ATP11A: variants seen among roughly 807,000 people sequenced by gnomAD.
The protein encoded by ATP11A is phospholipid-transporting ATPase IH.
ATP11A carries 81 observed loss-of-function variants against 154.4 expected under a neutral mutation model. The ratio of observed to expected loss-of-function variants is 0.52; its 90% CI spans 0.44 to 0.63. The LOEUF is 0.63. ATP11A is among the 30% of genes least tolerant of loss of function. The probability of loss-of-function intolerance (pLI) is 0.00; values close to 1 mark genes in which losing one functional copy is unlikely to be tolerated. For synonymous variants in ATP11A, 623 were observed against 585.9 expected (o/e 1.06, Z -0.91); for missense variants, 1,316 against 1,474.3 (o/e 0.89, Z 1.76).
chr13:112,884,263 C>T lies in ATP11A; in HGVS notation c.*2397C>T, dbSNP rs994409861. The T allele has an allele frequency of 6.6e-6, 1 of 152,642 alleles. No homozygotes were observed. The highest frequency in any genetic ancestry group is 1.5e-5 in the Non-Finnish European group (1 of 68,042). The allele number at this position is 152,642 out of a possible 1,614,324, so 9.5% of individuals were successfully genotyped here. A position where few individuals can be genotyped will look rare whatever the true frequency, so the allele number is the denominator to read the frequency against. ...TTTTCTTTACAATTTGTTGCAATTT[C>T]ATCTGCTTTCTATGTTTCATTGTTA... On this transcript the variant is annotated 3_prime_UTR_variant, in exon 30 of 30. Coordinates refer to ENST00000375645, the MANE Select transcript of ATP11A (RefSeq NM_015205.3).
chr13:112,880,802 G>C (rs2080862994), intron 29 of ATP11A: 1 of 985,326 alleles, frequency 1.0e-6, no homozygotes, highest in South Asian at 4.7e-5. Context: ...TGCTGTCCCA[G>C]GTAAGTAACA....
rs572768456 is a variant in ATP11A, at chr13:112,773,099, C to T, written c.40-12036C>T. Among the ~76,000 whole-genome samples, 4 of 152,120 alleles carry T rather than the reference C, an allele frequency of 2.6e-5. No individual in the cohort carries two copies. The East Asian group carries it at 7.8e-4, about 29-fold the overall frequency. ...CTCCCAGAGCCCCGAGGGCTGTGGC[C>T]TGTGAGGTGCTCCCTTGTGCCATGG... On this transcript the variant is annotated intron_variant, in intron 1 of 29. Coordinates refer to ENST00000375645, the MANE Select transcript of ATP11A (RefSeq NM_015205.3).
At position 112,826,875 on chromosome 13, in the gene ATP11A, A is replaced by G. The variant is rs757224152; in HGVS notation, c.1205A>G (p.Asn402Ser). 4 of 1,614,166 alleles carry G rather than the reference A, an allele frequency of 2.5e-6. No individual in the cohort carries two copies. The highest frequency in any genetic ancestry group is 3.4e-6 in the Non-Finnish European group (4 of 1,180,030). The change falls in exon 12 of 30, where the codon AAT becomes AGT. Residue 402 changes from asparagine (N) to serine (S), a missense_variant. This residue lies in a region of ATP11A where 876 missense variants were observed against 1,006.8 expected (regional missense o/e 0.87). Transcript: ENST00000375645. The stretch of plus-strand genomic sequence containing the variant: ...CCTCTGGTGAACACGTCGGACCTCA[A>G]TGAAGAGCTGGGACAGGTTGGTGTC... ...EGPLVNTSDL[N>S]EELGQVEYIF...
intron 1 of ATP11A, among the ~76,000 whole-genome samples, chr13:112,729,173 C>T (rs1456641529): frequency 6.6e-6 from 1 of 152,188 alleles, no homozygotes. Flanking sequence ...CGTATCATCC[C>T]GGGTGCTCCT....
intron 1 of ATP11A, among the ~76,000 whole-genome samples, chr13:112,776,070 T>A (rs1324304820): frequency 6.6e-6 from 1 of 152,214 alleles, no homozygotes; most frequent in Non-Finnish European, 1.5e-5. Flanking sequence ...TGGAGGCGGC[T>A]GACCTGCAGG....
chr13:112,705,259 A>G (rs1051619117), intron 1 of ATP11A, among the ~76,000 whole-genome samples: 2 of 137,134 alleles, frequency 1.5e-5, no homozygotes, highest in Non-Finnish European at 2.9e-5. Flanking sequence ...AACTCCTTTT[A>G]CCATTTCTCG....
intron 1 of ATP11A, among the ~76,000 whole-genome samples, chr13:112,736,670 T>G (rs1163547381): frequency 6.6e-6 from 1 of 152,250 alleles, no homozygotes; most frequent in East Asian, 1.9e-4. Flanking sequence ...TTTTCTATAT[T>G]GAGTACATTT....
At chr13:112,701,265 T>G (rs1886492384) in intron 1 of ATP11A, among the ~76,000 whole-genome samples, 1 of 152,214 alleles carries the variant, frequency 6.6e-6, no homozygotes, top group Non-Finnish European at 1.5e-5. Flanking sequence ...GTGTTAAGTA[T>G]TGTTGCTGCG....
At position 112,877,374 on chromosome 13, in the gene ATP11A, C is replaced by T. The variant is rs578248719; in HGVS notation, c.3328-843C>T. Among the ~76,000 whole-genome samples the T allele has an allele frequency of 7.2e-5, 11 of 152,356 alleles. No individual in the cohort carries two copies. In the East Asian group the frequency reaches 2.1e-3, roughly 29 times the overall value. On this transcript the variant is annotated intron_variant, in intron 28 of 29. Transcript: ENST00000375645. ...TTTCTCTAAGCACGGTCCTTGGTTA[C>T]TGAGCTCTTTAGCTGTGCAGTTCCA...
intron 1 of ATP11A, among the ~76,000 whole-genome samples, chr13:112,694,588 C>T (rs1037514966): frequency 1.3e-5 from 2 of 152,158 alleles, no homozygotes; most frequent in African/African-American, 2.4e-5. Context: ...CCTTCCATGC[C>T]TCTATGTAGG....
chr13:112,865,026 C>T (rs1222938729), intron 25 of ATP11A, among the ~76,000 whole-genome samples: 4 of 150,242 alleles, frequency 2.7e-5, no homozygotes, highest in Admixed American at 6.6e-5. Flanking sequence ...ACCATCACCA[C>T]GTGCGCAATA....
chr13:112,835,827 C>A (rs925578291), intron 15 of ATP11A, among the ~76,000 whole-genome samples: 1 of 152,244 alleles, frequency 6.6e-6, no homozygotes, highest in Non-Finnish European at 1.5e-5. Context: ...CAATCTCTGA[C>A]ACAACTTTGA....
chr13:112,838,664 C>T lies in ATP11A; in HGVS notation c.1705+2413C>T, dbSNP rs933195013. On this transcript the variant is annotated intron_variant, in intron 16 of 29. Coordinates refer to ENST00000375645, the MANE Select transcript of ATP11A (RefSeq NM_015205.3). This position sits in a 1 kb window ranked among gnomAD's most constrained non-coding sequence, Gnocchi z 7.3. ...AAGGCTGAAGAGCCGCTGGATCACT[C>T]GAAGAATCCGGGTTGGAGGCATTTG... is the stretch of plus-strand genomic sequence containing the variant. 1.3e-5 allele frequency among the ~76,000 whole-genome samples: 2 copies of T among 152,178 alleles called. No homozygotes were observed. The highest frequency in any genetic ancestry group is 2.4e-5 in the African/African-American group (1 of 41,440).
chr13:112,748,645 C>T (rs1365273304), intron 1 of ATP11A, among the ~76,000 whole-genome samples: 1 of 152,184 alleles, frequency 6.6e-6, no homozygotes, highest in Non-Finnish European at 1.5e-5. Flanking sequence ...GGATTACAAG[C>T]GTGAGCCACC....
chr13:112,822,396 A>C (rs2078820654), intron 8 of ATP11A, among the ~76,000 whole-genome samples: 1 of 152,098 alleles, frequency 6.6e-6, no homozygotes, highest in Non-Finnish European at 1.5e-5. Flanking sequence ...TGAGATTTTT[A>C]AGTTCTTTGG....
chr13:112,790,724 T>G (rs2077829032), intron 2 of ATP11A, among the ~76,000 whole-genome samples: 1 of 152,142 alleles, frequency 6.6e-6, no homozygotes, highest in African/African-American at 2.4e-5. Context: ...GGAGACTTAC[T>G]TAATTCACAC....
chr13:112,809,541 G>A (rs762320420), intron 4 of ATP11A, among the ~76,000 whole-genome samples: 57 of 152,098 alleles, frequency 3.7e-4, no homozygotes, highest in Non-Finnish European at 5.0e-4. Context: ...ATCCTGTGTG[G>A]TTGTGTGTCT....
intron 13 of ATP11A, 83 bp from the exon 14 acceptor site, chr13:112,832,777 C>G (rs2079130932): frequency 4.7e-5 from 69 of 1,470,336 alleles, no homozygotes; most frequent in Middle Eastern, 3.6e-4. Flanking sequence ...CACCCCGCTT[C>G]TTGTTATCTC....
intron 1 of ATP11A, among the ~76,000 whole-genome samples, chr13:112,756,009 C>G (rs1229946186): frequency 2.0e-5 from 3 of 151,418 alleles, no homozygotes; most frequent in Non-Finnish European, 4.4e-5. Flanking sequence ...GGAAACGGCA[C>G]TCAGAGCGGC....
Sources: gnomAD v4.1 joint callset for allele counts (sites outside exome capture counted in the v4.1 genomes callset) on GRCh38, gnomAD v4.1.1 for gene constraint, gnomAD v4.1.1 regional missense constraint, Gnocchi (gnomAD v3.1) non-coding constraint, MANE v1.5 for transcripts, NCBI Gene and HGNC (gene_info 2026-07-23, HGNC 2026-07-21) for gene names.